GBF1: variants seen among roughly 807,000 people sequenced by gnomAD.
GBF1 encodes Golgi-specific brefeldin A-resistance guanine nucleotide exchange factor 1.
In GBF1, 114 loss-of-function variants were observed where a neutral mutation model predicts 210.5. The observed-to-expected ratio is 0.54, with a 90% confidence interval of 0.47 to 0.63. The LOEUF (loss-of-function observed/expected upper bound fraction) is 0.63, where lower values mean the gene tolerates loss of function less well. GBF1 is among the 30% of genes least tolerant of loss of function. GBF1 has a pLI of 0.00. For missense variants in GBF1, 1,851 were observed against 2,357.7 expected, an observed-to-expected ratio of 0.79 and a Z score of 4.45; for synonymous variants, 850 against 889.2, an observed-to-expected ratio of 0.96 and a Z score of 0.78.
In GBF1 at chr10:102,246,022, C is replaced by T. The variant is rs73346818; in HGVS notation, c.-11+241C>T. Among the ~76,000 whole-genome samples, 1,504 of 152,254 alleles carry T rather than the reference C, an allele frequency of 9.9e-3. 28 individuals are homozygous for T. Among genetic ancestry groups the T allele is most frequent in the African/African-American group, 0.034 (1,392 of 41,548 alleles). ...TCTCATTACTGATCCTTTGCAGGTG[C>T]CCAAATCTTCTGTTTTCCCAGGCTT... On this transcript the variant is annotated intron_variant, in intron 1 of 39. Coordinates refer to ENST00000369983, the MANE Select transcript of GBF1 (RefSeq NM_001377137.1).
intron 3 of GBF1, among the ~76,000 whole-genome samples, chr10:102,298,308 T>C (rs1790770258): frequency 1.3e-5 from 2 of 152,202 alleles, no homozygotes; most frequent in African/African-American, 4.8e-5. Context: ...CTAGGTAATG[T>C]TCTAGACTAG....
At position 102,376,790 on chromosome 10, in the gene GBF1, T is replaced by G; in HGVS notation, c.4278T>G (p.Ser1426Arg). 6.2e-7 allele frequency: 1 copy of G among 1,609,008 alleles called. No homozygotes were observed. Among genetic ancestry groups the G allele is most frequent in the Non-Finnish European group, 8.5e-7 (1 of 1,179,944 alleles). The change falls in exon 32 of 40, where the codon AGT becomes AGG. Residue 1426 changes from serine to arginine, a missense_variant. Ser to Arg is a moderately radical substitution (Grantham distance 110). This residue lies in a region of GBF1 where 967 missense variants were observed against 1,247.7 expected (regional missense o/e 0.78). Transcript: ENST00000369983. ...CTCTCCGGATCTTTGTGGAGGCCAG[T>G]CTGAATGGCGGTGGGTCAGCTGATG... Reference protein sequence around the residue: ...VKTLRIFVEASLNGGCKSQEK... With the variant: ...VKTLRIFVEARLNGGCKSQEK...
chr10:102,359,166 G>A, intron 10 of GBF1, 101 bp from the exon 11 acceptor site: 1 of 811,342 alleles, frequency 1.2e-6, no homozygotes, highest in South Asian at 1.4e-5. Context: ...TACATCTGTA[G>A]CCCATTAGAG....
chr10:102,365,556 G>C lies in GBF1; in HGVS notation c.2266G>C (p.Val756Leu), dbSNP rs987950617. The C allele has an allele frequency of 6.2e-7, 1 of 1,614,200 alleles. No homozygotes were observed. The highest frequency in any genetic ancestry group is 1.7e-5 in the Admixed American group (1 of 60,018). ...RLDKKMIGEF[V>L]SDRKNIDLLE... ...GGACAAGAAGATGATTGGAGAGTTT[G>C]TGAGTGACCGCAAAAACATTGACCT... Residue 756 changes from valine (V) to leucine (L), a missense_variant, in exon 18 of 40, where the codon GTG becomes CTG. Physicochemically the swap from Val to Leu is conservative, Grantham distance 32. This residue lies in a region of GBF1 where 804 missense variants were observed against 958.6 expected (regional missense o/e 0.84). Transcript: ENST00000369983.
At chr10:102,260,643 A>C (rs2073086061) in intron 3 of GBF1, among the ~76,000 whole-genome samples, 1 of 151,236 alleles carries the variant, frequency 6.6e-6, no homozygotes, top group Non-Finnish European at 1.5e-5. Flanking sequence ...ACACCTGCCT[A>C]ATTTTTGTAT....
At chr10:102,357,969 A>C (rs530613768) in intron 8 of GBF1, 70 bp from the exon 9 acceptor site, 1 of 1,058,040 alleles carries the variant, frequency 9.5e-7, no homozygotes, top group Admixed American at 1.7e-5. Context: ...AGTAGGACTA[A>C]ATGAAGGGAG....
At chr10:102,286,097 A>G (rs532072231) in intron 3 of GBF1, among the ~76,000 whole-genome samples, 1 of 152,248 alleles carries the variant, frequency 6.6e-6, no homozygotes, top group African/African-American at 2.4e-5. Flanking sequence ...CATTTGATCA[A>G]AGTCAGGCTT....
In GBF1 at chr10:102,381,164, C is replaced by A. The variant is rs138405438; in HGVS notation, c.5211C>A (p.Leu1737=). 590 of 1,613,884 alleles carry A rather than the reference C, an allele frequency of 3.7e-4. 1 individual carries two copies. The highest frequency in any genetic ancestry group is 4.5e-4 in the Non-Finnish European group (528 of 1,179,860). The change falls in exon 39 of 40, where the codon CTC becomes CTA. Residue 1737 remains leucine (L), a synonymous_variant. Coordinates refer to ENST00000369983, the MANE Select transcript of GBF1 (RefSeq NM_001377137.1). ...TGGAGCCTCAAGGCCAAAAGCCTCTCGCCTCAGCCCACCTGACTTCCGCTG... is the reference window on the plus strand; with the variant it reads ...TGGAGCCTCAAGGCCAAAAGCCTCTAGCCTCAGCCCACCTGACTTCCGCTG... ...MPMEPQGQKP[L]ASAHLTSAAG...
chr10:102,307,444 A>C (rs761536825), intron 3 of GBF1, among the ~76,000 whole-genome samples: 3 of 137,346 alleles, frequency 2.2e-5, no homozygotes, highest in Admixed American at 7.4e-5. Flanking sequence ...CAACCTTGGC[A>C]AAAAAAAAAA....
At chr10:102,252,762 G>A (rs766754616) in intron 1 of GBF1, among the ~76,000 whole-genome samples, 2 of 151,816 alleles carry the variant, frequency 1.3e-5, no homozygotes, top group Non-Finnish European at 2.9e-5. Context: ...TGGGAGGATC[G>A]CTTGAGCCTG....
the GBF1 span, chr10:102,231,108 G>A: frequency 5.2e-6 from 8 of 1,536,016 alleles, no homozygotes; most frequent in Non-Finnish European, 7.0e-6. Context: ...ACACCTGCGG[G>A]CACGGGAGAA....
Position 102,363,610 on chromosome 10 carries a change from C to T in GBF1, c.2018-100C>T. The T allele has an allele frequency of 3.5e-6, 3 of 858,242 alleles. No individual in the cohort carries two copies. Among genetic ancestry groups the T allele is most frequent in the Non-Finnish European group, 5.8e-6 (3 of 515,518 alleles). The allele number at this position is 858,242 out of a possible 1,614,324, so 53.2% of individuals were successfully genotyped here. On this transcript the variant is annotated intron_variant, in intron 16 of 39. Transcript: ENST00000369983. This position sits in a 1 kb window ranked among gnomAD's most constrained non-coding sequence, Gnocchi z 4.2. ...GGTGAGGACAAGATTTCTGAGGCTC[C>T]TTCTTGAAACTGGGGAGTATATTGG...
At chr10:102,286,454 A>G (rs567950837) in intron 3 of GBF1, among the ~76,000 whole-genome samples, 5 of 152,192 alleles carry the variant, frequency 3.3e-5, no homozygotes, top group Non-Finnish European at 7.3e-5. Flanking sequence ...TTTGCCTGGA[A>G]GTACACACAG....
intron 31 of GBF1, 23 bp downstream of exon 31, chr10:102,376,455 A>G (rs150990327): frequency 0.01 from 16,694 of 1,613,606 alleles, 216 homozygotes; most frequent in Non-Finnish European, 1.0e-2. Flanking sequence ...ATGGGCAGCA[A>G]TTGAGTCTCT....
At chr10:102,260,476 CTT>C (rs60452124) in intron 3 of GBF1, among the ~76,000 whole-genome samples, 1 of 72,428 alleles carries the variant, frequency 1.4e-5, no homozygotes. Context: ...TTCCTTTCTT[CTT>C]TTTTTTTTTT....
chr10:102,346,232 C>T (rs938586956), intron 4 of GBF1, among the ~76,000 whole-genome samples: 2 of 152,126 alleles, frequency 1.3e-5, no homozygotes, highest in Non-Finnish European at 2.9e-5. Context: ...CCACCCGCCT[C>T]GGCTTCCCAA....
At chr10:102,340,982 G>A (rs186144163) in intron 3 of GBF1, among the ~76,000 whole-genome samples, 118 of 152,280 alleles carry the variant, frequency 7.7e-4, no homozygotes, top group Non-Finnish European at 1.2e-3. Context: ...AAGAGTAAAA[G>A]TGTCTGTTCT....
At chr10:102,261,967 T>C (rs1002489453) in intron 3 of GBF1, among the ~76,000 whole-genome samples, 2 of 152,100 alleles carry the variant, frequency 1.3e-5, no homozygotes, top group Non-Finnish European at 2.9e-5. Flanking sequence ...TCACTGTAAC[T>C]TCTGCTTCTT....
intron 9 of GBF1, 43 bp from the exon 10 acceptor site, chr10:102,358,463 G>A: frequency 7.1e-7 from 1 of 1,404,580 alleles, no homozygotes; most frequent in Non-Finnish European, 1.0e-6. Context: ...TTTGCCCACA[G>A]CCTCTTTCTT....
Sources: gnomAD v4.1 joint callset for allele counts (sites outside exome capture counted in the v4.1 genomes callset) on GRCh38, gnomAD v4.1.1 for gene constraint, gnomAD v4.1.1 regional missense constraint, Gnocchi (gnomAD v3.1) non-coding constraint, MANE v1.5 for transcripts, NCBI Gene and HGNC (gene_info 2026-07-23, HGNC 2026-07-21) for gene names.